GRIK2: variants seen among roughly 807,000 people sequenced by gnomAD.
The protein encoded by GRIK2 is glutamate ionotropic receptor kainate type subunit 2, also known as glutamate receptor ionotropic, kainate 2.
A neutral mutation model predicts 100.3 loss-of-function variants in GRIK2; 32 were observed. The ratio of observed to expected loss-of-function variants is 0.32; its 90% CI spans 0.24 to 0.43. The LOEUF (loss-of-function observed/expected upper bound fraction) is 0.43, where lower values mean the gene tolerates loss of function less well. Among genes scored for constraint, GRIK2 ranks in the 20% least tolerant of loss-of-function variants. GRIK2 has a pLI of 1.00. For missense variants in GRIK2, 843 were observed against 1,114.9 expected (o/e 0.76, Z 3.47); for synonymous variants, 417 against 389.4 (o/e 1.07, Z -0.83).
chr6:101,760,593 T>A (rs1243134864), intron 7 of GRIK2, among the ~76,000 whole-genome samples: 1 of 92,152 alleles, frequency 1.1e-5, no homozygotes, highest in Admixed American at 1.7e-4. Context: ...TATAATTATA[T>A]ATAATTATAT....
intron 14 of GRIK2, among the ~76,000 whole-genome samples, chr6:102,024,940 T>A (rs1473950101): frequency 6.7e-6 from 1 of 149,208 alleles, no homozygotes; most frequent in Non-Finnish European, 1.5e-5. Flanking sequence ...ATATATATAT[T>A]ATTTATAAAT....
rs537432209 is a variant in GRIK2 at position 101,464,379 on chromosome 6, A to AT, written c.115+64993dup. 1.1e-4 allele frequency among the ~76,000 whole-genome samples: 17 copies of AT among 151,702 alleles called. No individual in the cohort carries two copies. The South Asian group carries it at 3.5e-3, about 32-fold the overall frequency. ...CTACTTTCTACTTCATATTTTAGGCATTTTTTATAGTCCCTCCTGAGCAGG... is the reference window on the plus strand; with the variant it reads ...CTACTTTCTACTTCATATTTTAGGCATTTTTTTATAGTCCCTCCTGAGCAGG... On this transcript the variant is annotated intron_variant, in intron 2 of 16. Transcript: ENST00000369134.
At chr6:101,782,279 C>G (rs1779144792) in intron 7 of GRIK2, among the ~76,000 whole-genome samples, 1 of 152,166 alleles carries the variant, frequency 6.6e-6, no homozygotes, top group African/African-American at 2.4e-5. Context: ...ACTCTGCTAT[C>G]AAATATTAGA....
At chr6:101,963,642 G>A (rs552639880) in intron 14 of GRIK2, among the ~76,000 whole-genome samples, 29 of 150,920 alleles carry the variant, frequency 1.9e-4, no homozygotes, top group African/African-American at 6.1e-4. Context: ...GTGAGCCACC[G>A]CGCCCGGCCA....
intron 4 of GRIK2, among the ~76,000 whole-genome samples, chr6:101,657,581 A>G (rs1410595284): frequency 1.3e-5 from 2 of 152,196 alleles, no homozygotes; most frequent in Non-Finnish European, 2.9e-5. Context: ...GCAATGGCCA[A>G]TTTGAGTATT....
chr6:101,633,229 A>G (rs1289786820), intron 4 of GRIK2, among the ~76,000 whole-genome samples: 2 of 152,086 alleles, frequency 1.3e-5, no homozygotes, highest in East Asian at 3.9e-4. Flanking sequence ...CTTTCAAACC[A>G]CCATGGAATG....
intron 10 of GRIK2, among the ~76,000 whole-genome samples, chr6:101,857,222 A>G (rs1244481053): frequency 6.6e-6 from 1 of 152,172 alleles, no homozygotes; most frequent in African/African-American, 2.4e-5. Flanking sequence ...TAGGAAAGAG[A>G]GCTGAAGGCT....
Position 101,622,106 on chromosome 6 carries a change from A to G in GRIK2, c.273A>G (p.Ala91=), listed in dbSNP as rs749025045. ...TAAACCTTTATGATAGTTTTGAAGCATCCAAGAAAGGTAATTGATAGATTT... is the reference window on the plus strand; with the variant it reads ...TAAACCTTTATGATAGTTTTGAAGCGTCCAAGAAAGGTAATTGATAGATTT... ...QKINLYDSFE[A]SKKACDQLSL... The change falls in exon 3 of 17, where the codon GCA becomes GCG. Residue 91 remains alanine (A), a synonymous_variant. Transcript: ENST00000369134. 8.2e-6 allele frequency: 13 copies of G among 1,582,306 alleles called. No homozygotes were observed. Among genetic ancestry groups the G allele is most frequent in the East Asian group, 2.2e-5 (1 of 44,570 alleles).
At chr6:101,588,333 C>T (rs1434314058) in intron 2 of GRIK2, among the ~76,000 whole-genome samples, 4 of 151,964 alleles carry the variant, frequency 2.6e-5, no homozygotes, top group Non-Finnish European at 5.9e-5. Context: ...CATGTGAGAG[C>T]TGCAAATAGT....
At chr6:101,506,526 A>T (rs2749059) in intron 2 of GRIK2, among the ~76,000 whole-genome samples, 91,600 of 151,966 alleles carry the variant, frequency 0.6, 28,673 homozygotes, top group African/African-American at 0.77. Context: ...ATTTGACTTT[A>T]TGTATAGCAG....
At chr6:101,857,962 T>G (rs1272217740) in intron 10 of GRIK2, among the ~76,000 whole-genome samples, 1 of 152,158 alleles carries the variant, frequency 6.6e-6, no homozygotes, top group Non-Finnish European at 1.5e-5. Context: ...ATTATGTTGG[T>G]CTCAGGGCTT....
chr6:101,468,643 C>T (rs1325220365), intron 2 of GRIK2, among the ~76,000 whole-genome samples: 6 of 152,094 alleles, frequency 3.9e-5, no homozygotes, highest in Admixed American at 3.9e-4. Context: ...AGAACCATTC[C>T]TCTTTGAAAC....
chr6:101,543,968 C>T (rs1776121126), intron 2 of GRIK2, among the ~76,000 whole-genome samples: 1 of 151,906 alleles, frequency 6.6e-6, no homozygotes, highest in South Asian at 2.1e-4. Context: ...TATAATATAG[C>T]AGAAGAAGTG....
chr6:101,820,724 G>A (rs1050793814), intron 10 of GRIK2, among the ~76,000 whole-genome samples: 23 of 152,272 alleles, frequency 1.5e-4, no homozygotes, highest in African/African-American at 4.1e-4. Context: ...TTATAGGCGT[G>A]AGCCACTGCA....
At chr6:101,440,354 C>G (rs1012629119) in intron 2 of GRIK2, among the ~76,000 whole-genome samples, 1 of 152,136 alleles carries the variant, frequency 6.6e-6, no homozygotes, top group African/African-American at 2.4e-5. Flanking sequence ...TGAACAAAGT[C>G]ATAATTTAGC....
At chr6:101,455,456 C>T (rs1282769525) in intron 2 of GRIK2, among the ~76,000 whole-genome samples, 1 of 151,990 alleles carries the variant, frequency 6.6e-6, no homozygotes, top group African/African-American at 2.4e-5. Flanking sequence ...CTAGTTTCCT[C>T]AATTCTTTGC....
At chr6:101,750,973 T>C (rs1325059) in intron 7 of GRIK2, among the ~76,000 whole-genome samples, 5,892 of 152,328 alleles carry the variant, frequency 0.039, 176 homozygotes, top group Non-Finnish European at 0.057. Context: ...TTGTGAGATA[T>C]TGTGGTACAG....
At chr6:101,974,036 A>T (rs1007639874) in intron 14 of GRIK2, among the ~76,000 whole-genome samples, 1 of 151,976 alleles carries the variant, frequency 6.6e-6, no homozygotes, top group Non-Finnish European at 1.5e-5. Flanking sequence ...ATCAACATAT[A>T]CTTTATTAAA....
chr6:101,537,437 T>C lies in GRIK2; in HGVS notation c.116-84512T>C, dbSNP rs550450390. 9.4e-3 allele frequency among the ~76,000 whole-genome samples: 898 copies of C among 95,370 alleles called. 4 individuals carry two copies. The highest frequency in any genetic ancestry group is 0.031 in the African/African-American group (767 of 25,046). The allele number at this position is 95,370 out of a possible 152,430, so 62.6% of individuals were successfully genotyped here. The stretch of plus-strand genomic sequence containing the variant: ...TAGAATGTGTGTGTGTTTGTGTGTG[T>C]GTGTTTGTGTGTGTGTGCGTGTGTG... On this transcript the variant is annotated intron_variant, in intron 2 of 16. Transcript: ENST00000369134.
Sources: gnomAD v4.1 joint callset for allele counts (sites outside exome capture counted in the v4.1 genomes callset) on GRCh38, gnomAD v4.1.1 for gene constraint, MANE v1.5 for transcripts, NCBI Gene and HGNC (gene_info 2026-07-23, HGNC 2026-07-21) for gene names.